Variants in OPHN1 observed in about 807,000 individuals in gnomAD.
OPHN1 encodes oligophrenin-1.
OPHN1 carries 11 observed loss-of-function variants against 60.7 expected under a neutral mutation model. That is an observed-to-expected ratio of 0.18 (90% confidence interval 0.11 to 0.30). OPHN1 has a LOEUF of 0.30. Ranked by LOEUF, OPHN1 falls within the 10% of genes least tolerant of loss-of-function variation. The probability of loss-of-function intolerance (pLI) is 1.00; values close to 1 mark genes in which losing one functional copy is unlikely to be tolerated. For missense variants in OPHN1, 449 were observed against 611.0 expected, an observed-to-expected ratio of 0.73 and a Z score of 2.80; for synonymous variants, 226 against 222.6, an observed-to-expected ratio of 1.02 and a Z score of -0.14.
chrX:68,206,625 T>C lies in OPHN1; in HGVS notation c.881A>G (p.Glu294Gly). Reference protein sequence around the residue: ...WVKYYCQYEKETKTLTMTPME... With the variant: ...WVKYYCQYEKGTKTLTMTPME... ...AGGCGTCATGGTCAGTGTTTTGGTC[T>C]CTTTCTCATACTGGCAATAGTATTT... Residue 294 changes from glutamate (E) to glycine (G), a missense_variant, in exon 10 of 25, where the codon GAG becomes GGG. Physicochemically the swap from Glu to Gly is moderately conservative, Grantham distance 98. Around this residue, in one of 4 missense-constraint regions of OPHN1, gnomAD observed 166 missense variants for 278.4 expected, o/e 0.60. Coordinates refer to ENST00000355520, the MANE Select transcript of OPHN1 (RefSeq NM_002547.3). The C allele has an allele frequency of 8.3e-7, 1 of 1,210,816 alleles. No homozygotes were observed. Among genetic ancestry groups the C allele is most frequent in the Non-Finnish European group, 1.1e-6 (1 of 894,395 alleles).
chrX:68,383,767 C>T (rs1349621109), intron 2 of OPHN1, among the ~76,000 whole-genome samples: 1 of 110,561 alleles, frequency 9.0e-6, no homozygotes, highest in Non-Finnish European at 1.9e-5. Context: ...TCAATTCTTT[C>T]TCTCATCCAT....
At chrX:68,399,675 A>G (rs1345393431) in intron 2 of OPHN1, among the ~76,000 whole-genome samples, 1 of 38,851 alleles carries the variant, frequency 2.6e-5, no homozygotes, top group Non-Finnish European at 6.7e-5. Context: ...CTCAAAATAA[A>G]TAAATAAAAA....
At position 68,234,540 on chromosome X, in the gene OPHN1, G is replaced by C; in HGVS notation, c.433C>G (p.Leu145Val). ...EKDGERFYSL[L>V]DRHLHLSSKK... ...GAAGACAGGTGTAAGTGCCGATCCA[G>C]TAAAGAATAAAACCTCTCACCATCC... The change falls in exon 6 of 25, where the codon CTG becomes GTG. Residue 145 changes from leucine (L) to valine (V), a missense_variant. Leu to Val is a conservative substitution (Grantham distance 32). This residue lies in a region of OPHN1 where 99 missense variants were observed against 155.2 expected (regional missense o/e 0.64). Coordinates refer to ENST00000355520, the MANE Select transcript of OPHN1 (RefSeq NM_002547.3). The C allele has an allele frequency of 8.3e-7, 1 of 1,210,516 alleles. No individual in the cohort carries two copies. The highest frequency in any genetic ancestry group is 1.1e-6 in the Non-Finnish European group (1 of 894,319).
chrX:68,400,427 A>G (rs1336451012), intron 2 of OPHN1, among the ~76,000 whole-genome samples: 1 of 109,912 alleles, frequency 9.1e-6, no homozygotes, highest in Admixed American at 9.8e-5. Context: ...TATAAAAAAA[A>G]TGCCTGAGAC....
intron 15 of OPHN1, among the ~76,000 whole-genome samples, chrX:68,141,750 CAG>C (rs1181330607): frequency 9.1e-6 from 1 of 110,091 alleles, no homozygotes; most frequent in Non-Finnish European, 1.9e-5. Flanking sequence ...GAGAGAGAAA[CAG>C]AGAGACAGAG....
intron 5 of OPHN1, among the ~76,000 whole-genome samples, chrX:68,237,802 A>G (rs933921062): frequency 8.1e-5 from 9 of 111,655 alleles, no homozygotes; most frequent in African/African-American, 2.6e-4. Flanking sequence ...AGGATTTTCT[A>G]TATACAACAT....
chrX:68,195,076 A>C (rs1230260471), intron 12 of OPHN1, among the ~76,000 whole-genome samples: 2 of 109,697 alleles, frequency 1.8e-5, no homozygotes, highest in Non-Finnish European at 3.8e-5. Context: ...GAAAGAAAGA[A>C]AATACTTGAA....
In OPHN1 at chrX:68,042,758, T is replaced by C. The variant is rs1306052010; in HGVS notation, c.*4414A>G. ...GAGGATGCGGAGAAATAGGAACACT[T>C]TTACACTGTTGGTTGGACTGTAAAC... On this transcript the variant is annotated 3_prime_UTR_variant, in exon 25 of 25. Coordinates refer to ENST00000355520, the MANE Select transcript of OPHN1 (RefSeq NM_002547.3). The C allele has an allele frequency of 1.3e-5, 1 of 79,517 alleles. No homozygotes were observed. The highest frequency in any genetic ancestry group is 1.5e-4 in the Admixed American group (1 of 6,511). 6.6% of individuals were successfully genotyped at this position (79,517 alleles called of 1,213,427 possible). A position where few individuals can be genotyped will look rare whatever the true frequency, so the allele number is the denominator to read the frequency against.
chrX:68,205,979 A>AGTGTGT (rs1228949782), intron 10 of OPHN1, among the ~76,000 whole-genome samples: 13,615 of 90,825 alleles, frequency 0.15, 833 homozygotes, highest in Non-Finnish European at 0.19. Context: ...AGTGTGTGTG[A>AGTGTGT]GTGTGTGTGT....
At chrX:68,063,773 A>G in intron 21 of OPHN1, 81 bp downstream of exon 21, 1 of 835,945 alleles carries the variant, frequency 1.2e-6, no homozygotes, top group Non-Finnish European at 1.6e-6. Flanking sequence ...CCACTTAAAT[A>G]TATCTCCAAA....
rs924805816 is a variant in OPHN1 at position 68,424,561 on chromosome X, T to A, written c.154+8306A>T. Among the ~76,000 whole-genome samples, 61 of 111,673 alleles carry A rather than the reference T, an allele frequency of 5.5e-4. 1 individual carries two copies. Among genetic ancestry groups the A allele is most frequent in the African/African-American group, 1.9e-3 (59 of 30,758 alleles). On this transcript the variant is annotated intron_variant, in intron 2 of 24. Coordinates refer to ENST00000355520, the MANE Select transcript of OPHN1 (RefSeq NM_002547.3). ...TCCTCATAGGCTTTTAGGAAATTTC[T>A]GTAGTAACTGATTAGAGAAACAGAT...
At chrX:68,160,111 T>C (rs748166532) in intron 15 of OPHN1, among the ~76,000 whole-genome samples, 3 of 109,208 alleles carry the variant, frequency 2.7e-5, no homozygotes, top group Non-Finnish European at 5.7e-5. Context: ...ATAGCAAGCA[T>C]AAGAAAGCTG....
At chrX:68,058,813 A>G (rs1040093813) in intron 21 of OPHN1, among the ~76,000 whole-genome samples, 3 of 112,117 alleles carry the variant, frequency 2.7e-5, no homozygotes, top group Non-Finnish European at 3.8e-5. Context: ...AAACTGGCTC[A>G]AAGAAGTAAA....
At chrX:68,136,560 C>G (rs1310541050) in intron 15 of OPHN1, among the ~76,000 whole-genome samples, 2 of 111,056 alleles carry the variant, frequency 1.8e-5, no homozygotes, top group Admixed American at 9.6e-5. Context: ...GCCTCAGCCT[C>G]CCAAAGTGCT....
intron 6 of OPHN1, among the ~76,000 whole-genome samples, chrX:68,220,341 C>A (rs1239317645): frequency 9.1e-6 from 1 of 110,173 alleles, no homozygotes; most frequent in Non-Finnish European, 1.9e-5. Context: ...CAGCCGAATT[C>A]TACCAGAGGT....
chrX:68,072,035 A>G (rs772054516), intron 20 of OPHN1, among the ~76,000 whole-genome samples: 5 of 111,972 alleles, frequency 4.5e-5, no homozygotes, highest in Non-Finnish European at 9.4e-5. Flanking sequence ...CAATGGATTC[A>G]ATATGAAGGA....
intron 7 of OPHN1, among the ~76,000 whole-genome samples, chrX:68,213,364 A>C (rs768924956): frequency 9.0e-6 from 1 of 111,472 alleles, no homozygotes; most frequent in African/African-American, 3.3e-5. Flanking sequence ...TGTCTCAAAC[A>C]AATATATGGA....
In OPHN1 at chrX:68,339,085, A is replaced by T. The variant is rs751454923; in HGVS notation, c.155-39989T>A. 9.1e-4 allele frequency among the ~76,000 whole-genome samples: 91 copies of T among 99,568 alleles called. 2 individuals are homozygous for T. The highest frequency in any genetic ancestry group is 2.4e-3 in the African/African-American group (60 of 24,832). The allele number at this position is 99,568 out of a possible 115,157, so 86.5% of individuals were successfully genotyped here. ...ACAGTGAGACCCTGTCTGAAAAAAA[A>T]AAATATATATATATATATATTTATA... On this transcript the variant is annotated intron_variant, in intron 2 of 24. Coordinates refer to ENST00000355520, the MANE Select transcript of OPHN1 (RefSeq NM_002547.3).
At chrX:68,267,240 A>T (rs1274145288) in intron 5 of OPHN1, among the ~76,000 whole-genome samples, 1 of 111,385 alleles carries the variant, frequency 9.0e-6, no homozygotes, top group Non-Finnish European at 1.9e-5. Context: ...TCTCAGCACC[A>T]CACCACACCT....
Sources: allele counts gnomAD v4.1 joint callset (sites outside exome capture counted in the v4.1 genomes callset), GRCh38; gene constraint gnomAD v4.1.1; regional missense constraint gnomAD v4.1.1; transcripts MANE v1.5; gene names NCBI Gene and HGNC (gene_info 2026-07-23, HGNC 2026-07-21).